Variants in CELF1 observed in about 807,000 individuals in gnomAD.
The protein encoded by CELF1 is CUGBP Elav-like family member 1, also known as 50 kDa nuclear polyadenylated RNA-binding protein.
A neutral mutation model predicts 61.8 loss-of-function variants in CELF1; 10 were observed. The observed-to-expected ratio is 0.16, with a 90% confidence interval of 0.10 to 0.27. The LOEUF (loss-of-function observed/expected upper bound fraction) is 0.27, where lower values mean the gene tolerates loss of function less well. CELF1 is among the 10% of genes least tolerant of loss of function. CELF1 has a pLI of 1.00. For missense variants in CELF1, 380 were observed against 639.1 expected, an observed-to-expected ratio of 0.59 and a Z score of 4.37; for synonymous variants, 236 against 225.1, an observed-to-expected ratio of 1.05 and a Z score of -0.43.
At chr11:47,549,508 G>A (rs754900090) in intron 1 of CELF1, among the ~76,000 whole-genome samples, 9 of 151,972 alleles carry the variant, frequency 5.9e-5, no homozygotes, top group Non-Finnish European at 1.0e-4. Context: ...AAATAAATCC[G>A]GTCACACAGT....
chr11:47,496,384 C>T (rs2093097187), intron 3 of CELF1, among the ~76,000 whole-genome samples: 2 of 152,160 alleles, frequency 1.3e-5, no homozygotes, highest in African/African-American at 4.8e-5. Context: ...TAATATCATT[C>T]ATTCAACTGT....
chr11:47,482,850 A>G lies in CELF1; in HGVS notation c.613T>C (p.Ser205Pro), dbSNP rs773786513. The G allele has an allele frequency of 2.5e-6, 4 of 1,613,786 alleles. No homozygotes were observed. The highest frequency in any genetic ancestry group is 1.1e-5 in the South Asian group (1 of 91,038). The change falls in exon 9 of 15, where the codon TCA becomes CCA. Residue 205 changes from serine to proline, a missense_variant. Physicochemically the swap from Ser to Pro is moderately conservative, Grantham distance 74. Coordinates refer to ENST00000687097, the MANE Select transcript of CELF1 (RefSeq NM_001376376.1). The stretch of plus-strand genomic sequence containing the variant: ...GCAAATTTTACCACCATGGGTGATG[A>G]GCAACCCTGTGAAAAGACCATAACG... Reference protein sequence around the residue: ...MHQAQTMEGCSSPMVVKFADT... With the variant: ...MHQAQTMEGCPSPMVVKFADT...
chr11:47,535,025 G>T (rs2096593178), intron 1 of CELF1, among the ~76,000 whole-genome samples: 1 of 152,048 alleles, frequency 6.6e-6, no homozygotes. Context: ...AAGCTTTCTG[G>T]AAAAGGGTTA....
intron 7 of CELF1, 64 bp downstream of exon 7, chr11:47,484,325 A>G: frequency 6.4e-7 from 1 of 1,564,692 alleles, no homozygotes; most frequent in Non-Finnish European, 8.6e-7. Flanking sequence ...TCCAAAAAAA[A>G]AAAAACCCCA....
At position 47,467,212 on chromosome 11, in the gene CELF1, T is replaced by C. The variant is rs181432501; in HGVS notation, c.*5018A>G. 24 of 152,658 alleles carry C rather than the reference T, an allele frequency of 1.6e-4. No homozygotes were observed. Among genetic ancestry groups the C allele is most frequent in the Admixed American group, 1.6e-3 (24 of 15,292 alleles). 9.5% of individuals were successfully genotyped at this position (152,658 alleles called of 1,614,324 possible). A position where few individuals can be genotyped will look rare whatever the true frequency, so the allele number is the denominator to read the frequency against. On this transcript the variant is annotated 3_prime_UTR_variant, in exon 15 of 15. Transcript: ENST00000687097. ...GATCTATCATCAGCTCCTCCCCCTG[T>C]AACCTCTTCCCTCCACAGATCCACC...
intron 1 of CELF1, among the ~76,000 whole-genome samples, chr11:47,526,920 G>A (rs569522741): frequency 2.0e-5 from 3 of 152,068 alleles, no homozygotes; most frequent in South Asian, 2.1e-4. Context: ...GCGTGGGGGC[G>A]CGTGCCTGTA....
intron 1 of CELF1, among the ~76,000 whole-genome samples, chr11:47,538,173 A>T (rs545598450): frequency 6.5e-4 from 99 of 152,276 alleles, no homozygotes; most frequent in African/African-American, 2.3e-3. Flanking sequence ...TCAGCCTCCT[A>T]AAGTGCTGGT....
intron 1 of CELF1, among the ~76,000 whole-genome samples, chr11:47,516,441 CA>C (rs1210112877): frequency 2.0e-5 from 3 of 152,112 alleles, no homozygotes; most frequent in African/African-American, 7.2e-5. Context: ...ACAATAATAG[CA>C]ATAATGGTTG....
intron 1 of CELF1, among the ~76,000 whole-genome samples, chr11:47,508,666 G>A (rs1216178687): frequency 7.2e-6 from 1 of 138,270 alleles, no homozygotes; most frequent in Non-Finnish European, 1.6e-5. Context: ...CTTTTTAAAG[G>A]AAACCTCAAA....
At chr11:47,549,816 T>C (rs1007737943) in intron 1 of CELF1, among the ~76,000 whole-genome samples, 5 of 134,558 alleles carry the variant, frequency 3.7e-5, no homozygotes, top group Non-Finnish European at 6.8e-5. Context: ...TGTGGGTTTT[T>C]TTTGTTTTTT....
At chr11:47,540,313 CGAA>C (rs1174949509) in intron 1 of CELF1, among the ~76,000 whole-genome samples, 3 of 152,158 alleles carry the variant, frequency 2.0e-5, no homozygotes, top group African/African-American at 7.2e-5. Flanking sequence ...TTCCTAAACA[CGAA>C]ATGTGATGTC....
intron 4 of CELF1, among the ~76,000 whole-genome samples, chr11:47,488,544 A>C (rs1192530925): frequency 6.6e-6 from 1 of 152,206 alleles, no homozygotes; most frequent in Non-Finnish European, 1.5e-5. Context: ...TTAAATTTAG[A>C]ACCCTCACAA....
At chr11:47,479,371 T>TG (rs764216951) in intron 9 of CELF1, among the ~76,000 whole-genome samples, 41 of 152,374 alleles carry the variant, frequency 2.7e-4, no homozygotes, top group Non-Finnish European at 4.7e-4. Context: ...CTCTGCAGAT[T>TG]GTTTCCATCT....
chr11:47,535,375 T>G (rs998834691), intron 1 of CELF1, among the ~76,000 whole-genome samples: 48 of 152,020 alleles, frequency 3.2e-4, no homozygotes, highest in African/African-American at 1.2e-3. Flanking sequence ...ATTAAGATAC[T>G]CCACAAACAT....
intron 6 of CELF1, among the ~76,000 whole-genome samples, chr11:47,484,809 G>A (rs1031675470): frequency 4.6e-5 from 7 of 152,166 alleles, no homozygotes; most frequent in African/African-American, 1.4e-4. Context: ...CTCCTGAGTA[G>A]CTGGGATTAC....
chr11:47,482,000 C>T (rs1413257104), intron 9 of CELF1, among the ~76,000 whole-genome samples: 4 of 152,058 alleles, frequency 2.6e-5, no homozygotes, highest in Admixed American at 6.6e-5. Flanking sequence ...GTCGTGAGTT[C>T]GAGACCAGCC....
chr11:47,511,732 C>T (rs531272910), intron 1 of CELF1, among the ~76,000 whole-genome samples: 1 of 152,102 alleles, frequency 6.6e-6, no homozygotes, highest in Non-Finnish European at 1.5e-5. Context: ...GAAATGACTC[C>T]CTCAAGATCA....
chr11:47,543,272 G>A (rs530495455), intron 1 of CELF1, among the ~76,000 whole-genome samples: 3 of 152,154 alleles, frequency 2.0e-5, no homozygotes, highest in African/African-American at 7.2e-5. Context: ...GTGGTGTTGC[G>A]CACCTATAGT....
chr11:47,543,937 T>C (rs1489871199), intron 1 of CELF1, among the ~76,000 whole-genome samples: 1 of 152,184 alleles, frequency 6.6e-6, no homozygotes, highest in African/African-American at 2.4e-5. Context: ...GTGTCCCCTA[T>C]TACAAATCCA....
Sources: gnomAD v4.1 joint callset for allele counts (sites outside exome capture counted in the v4.1 genomes callset) on GRCh38, gnomAD v4.1.1 for gene constraint, MANE v1.5 for transcripts, NCBI Gene and HGNC (gene_info 2026-07-23, HGNC 2026-07-21) for gene names.